Variants in SHOX2 observed in about 807,000 individuals in gnomAD.
The protein encoded by SHOX2 is short stature homeobox protein 2.
Under a neutral mutation model 31.3 loss-of-function variants are expected in SHOX2, and 13 were observed. That is an observed-to-expected ratio of 0.42 (90% CI 0.27 to 0.66). The LOEUF is 0.66. Ranked by LOEUF, SHOX2 falls within the 30% of genes least tolerant of loss-of-function variation. The pLI, the probability that SHOX2 is intolerant of heterozygous loss-of-function variation, is 0.27. For missense variants in SHOX2, 473 were observed against 443.0 expected, an observed-to-expected ratio of 1.07 and a Z score of -0.61; for synonymous variants, 244 against 196.2, an observed-to-expected ratio of 1.24 and a Z score of -2.04.
chr3:158,106,169 G>A lies in SHOX2; in HGVS notation c.-145C>T. 1 of 1,347,788 alleles carries A rather than the reference G, an allele frequency of 7.4e-7. No homozygotes were observed. The highest frequency in any genetic ancestry group is 1.0e-6 in the Non-Finnish European group (1 of 1,004,538). 83.5% of individuals were successfully genotyped at this position (1,347,788 alleles called of 1,614,324 possible). On this transcript the variant is annotated 5_prime_UTR_variant, in exon 1 of 5. Transcript: ENST00000483851. ...GGGGGAGGAGAGGGAGGAGGAGAAA[G>A]AAGAAGAAAAAGAGGAGAAGAAAGA... is the stretch of plus-strand genomic sequence containing the variant.
intron 2 of SHOX2, 50 bp from the exon 3 acceptor site, chr3:158,100,361 A>C: frequency 7.1e-7 from 1 of 1,405,076 alleles, no homozygotes; most frequent in Non-Finnish European, 9.7e-7. Context: ...TATGACTAAA[A>C]ATTTTTTTAA....
In SHOX2 at chr3:158,103,928, T is replaced by C. The variant is rs1353383679; in HGVS notation, c.347-1042A>G. 3 of 152,416 alleles carry C rather than the reference T, an allele frequency of 2.0e-5. No individual in the cohort carries two copies. The East Asian group carries it at 5.8e-4, about 29-fold the overall frequency. 9.4% of individuals were successfully genotyped at this position (152,416 alleles called of 1,614,324 possible). On this transcript the variant is annotated intron_variant, in intron 1 of 4. Transcript: ENST00000483851. ...ACATCCGTTGCCACTTTCCTGTCCT[T>C]CTCCTCCCTTTAAAAACAGGAGCTC...
Position 158,097,906 on chromosome 3 carries a change from G to T in SHOX2, c.*121C>A. 7.9e-7 allele frequency: 1 copy of T among 1,271,596 alleles called. No homozygotes were observed. Among genetic ancestry groups the T allele is most frequent in the Non-Finnish European group, 1.1e-6 (1 of 923,134 alleles). The allele number at this position is 1,271,596 out of a possible 1,614,324, so 78.8% of individuals were successfully genotyped here. A position where few individuals can be genotyped will look rare whatever the true frequency, so the allele number is the denominator to read the frequency against. On this transcript the variant is annotated 3_prime_UTR_variant, in exon 5 of 5. Transcript: ENST00000483851. Reference sequence around the variant, plus strand: ...TGCGATAGGGGACGAGGGATGGTCAGTGAGGCGGGAAGAGGGCCGGCTCCC... The same window carrying T: ...TGCGATAGGGGACGAGGGATGGTCATTGAGGCGGGAAGAGGGCCGGCTCCC...
intron 1 of SHOX2, among the ~76,000 whole-genome samples, 181 bp downstream of exon 1, chr3:158,105,498 A>G (rs931368438): frequency 3.8e-5 from 4 of 104,720 alleles, no homozygotes; most frequent in African/African-American, 1.5e-4. Flanking sequence ...GACCCCACCC[A>G]TGACCGAGCA....
At chr3:158,102,108 C>T (rs1713528267) in intron 2 of SHOX2, among the ~76,000 whole-genome samples, 1 of 152,192 alleles carries the variant, frequency 6.6e-6, no homozygotes, top group Non-Finnish European at 1.5e-5. Context: ...GCGTTTATTT[C>T]TCCGCTATTT....
At chr3:158,099,440 T>C (rs886653981) in intron 4 of SHOX2, among the ~76,000 whole-genome samples, 2 of 152,238 alleles carry the variant, frequency 1.3e-5, no homozygotes, top group Non-Finnish European at 2.9e-5. Flanking sequence ...TTGTGTTTAT[T>C]TTTCTTCTGT....
At chr3:158,101,728 G>A (rs972409616) in intron 2 of SHOX2, among the ~76,000 whole-genome samples, 1 of 152,164 alleles carries the variant, frequency 6.6e-6, no homozygotes, top group African/African-American at 2.4e-5. Flanking sequence ...AGCTGCAGAT[G>A]TGCGGGCCTA....
At chr3:158,101,321 G>A (rs1713474221) in intron 2 of SHOX2, among the ~76,000 whole-genome samples, 1 of 152,202 alleles carries the variant, frequency 6.6e-6, no homozygotes, top group Non-Finnish European at 1.5e-5. Flanking sequence ...GTACAACAGA[G>A]GGTGGATTTT....
At chr3:158,105,594 G>A in intron 1 of SHOX2, 85 bp downstream of exon 1, 3 of 1,252,988 alleles carry the variant, frequency 2.4e-6, no homozygotes, top group Non-Finnish European at 3.3e-6. Context: ...TCCCCTCCCC[G>A]CTGGGCCTCG....
rs145675724 is a variant in SHOX2 at position 158,098,244 on chromosome 3, G to A, written c.743C>T (p.Ala248Val). The change falls in exon 5 of 5, where the codon GCG becomes GTG. Residue 248 changes from alanine to valine, a missense_variant. Ala to Val is a moderately conservative substitution (Grantham distance 64). Coordinates refer to ENST00000483851, the MANE Select transcript of SHOX2 (RefSeq NM_001163678.2). Reference sequence around the variant, plus strand: ...CAGGTGCGGATGCAGGTGGTGGTGCGCGTGCGCCACAGCGCTGTCCAGCTG... The same window carrying A: ...CAGGTGCGGATGCAGGTGGTGGTGCACGTGCGCCACAGCGCTGTCCAGCTG... ...QLQLDSAVAH[A>V]HHHLHPHLAA... 1 of 1,613,798 alleles carries A rather than the reference G, an allele frequency of 6.2e-7. No homozygotes were observed. The highest frequency in any genetic ancestry group is 1.3e-5 in the African/African-American group (1 of 74,932).
At chr3:158,098,305 C>T (rs774238139) in intron 4 of SHOX2, 21 bp from the exon 5 acceptor site, 1 of 1,610,958 alleles carries the variant, frequency 6.2e-7, no homozygotes, top group African/African-American at 1.3e-5. Flanking sequence ...AAGGGCGTCA[C>T]GTTGCAATGA....
chr3:158,104,879 C>T (rs1045678879), intron 1 of SHOX2, among the ~76,000 whole-genome samples: 9 of 152,254 alleles, frequency 5.9e-5, no homozygotes, highest in African/African-American at 2.2e-4. Context: ...TGTTGAACTC[C>T]TTTGAATTGG....
rs1478222074 is a variant in SHOX2, at chr3:158,097,521, T to C, written c.*506A>G. ...TTTTAAATGTATAAAATACTTTAATTTTAAAATTTGTTTTTGCTCCTTGGT... is the reference window on the plus strand; with the variant it reads ...TTTTAAATGTATAAAATACTTTAATCTTAAAATTTGTTTTTGCTCCTTGGT... On this transcript the variant is annotated 3_prime_UTR_variant, in exon 5 of 5. Coordinates refer to ENST00000483851, the MANE Select transcript of SHOX2 (RefSeq NM_001163678.2). The C allele has an allele frequency of 6.5e-6, 1 of 152,810 alleles. No homozygotes were observed. Among genetic ancestry groups the C allele is most frequent in the Non-Finnish European group, 1.5e-5 (1 of 68,496 alleles). 9.5% of individuals were successfully genotyped at this position (152,810 alleles called of 1,614,324 possible).
intron 4 of SHOX2, 71 bp downstream of exon 4, chr3:158,099,789 T>C (rs903910668): frequency 1.8e-5 from 20 of 1,102,850 alleles, no homozygotes; most frequent in Non-Finnish European, 2.6e-5. Flanking sequence ...AGACAGGTGA[T>C]GTTCAACAGT....
rs1344824625 is a variant in SHOX2 at position 158,097,469 on chromosome 3, A to G, written c.*558T>C. On this transcript the variant is annotated 3_prime_UTR_variant, in exon 5 of 5. Coordinates refer to ENST00000483851, the MANE Select transcript of SHOX2 (RefSeq NM_001163678.2). ...GTTGGTAACTCCCCCCAGTCTCTCG[A>G]GAATCGTCTGGGTTGTTTTTCCATA... 1 of 152,188 alleles carries G rather than the reference A, an allele frequency of 6.6e-6. No homozygotes were observed. Among genetic ancestry groups the G allele is most frequent in the Non-Finnish European group, 1.5e-5 (1 of 68,072 alleles). The allele number at this position is 152,188 out of a possible 1,614,324, so 9.4% of individuals were successfully genotyped here. A position where few individuals can be genotyped will look rare whatever the true frequency, so the allele number is the denominator to read the frequency against.
At chr3:158,100,104 C>T (rs1052456934) in intron 3 of SHOX2, 150 bp downstream of exon 3, 3 of 899,200 alleles carry the variant, frequency 3.3e-6, no homozygotes, top group African/African-American at 3.4e-5. Flanking sequence ...TACTCCCAAA[C>T]TTTAGGACTC....
chr3:158,105,035 C>CCA, intron 1 of SHOX2: 1 of 368,292 alleles, frequency 2.7e-6, no homozygotes, highest in Admixed American at 3.3e-5. Context: ...CCCCGCCGCC[C>CCA]CCCCCCCCCG....
chr3:158,098,005 G>C lies in SHOX2; in HGVS notation c.*22C>G, dbSNP rs762927473. 6.4e-7 allele frequency: 1 copy of C among 1,568,880 alleles called. No individual in the cohort carries two copies. The highest frequency in any genetic ancestry group is 8.7e-7 in the Non-Finnish European group (1 of 1,155,858). ...AGGCTGAGTGCCGCGGGACAGGCGC[G>C]ACATTGGTGCTGGCGTTGGCGTCAC... On this transcript the variant is annotated 3_prime_UTR_variant, in exon 5 of 5. Transcript: ENST00000483851.
chr3:158,098,314 G>T, intron 4 of SHOX2, 30 bp from the exon 5 acceptor site: 3 of 1,609,680 alleles, frequency 1.9e-6, no homozygotes, highest in Non-Finnish European at 1.7e-6. Context: ...ACGTTGCAAT[G>T]ACTATCCTAG....
Sources: gnomAD v4.1 joint callset for allele counts (sites outside exome capture counted in the v4.1 genomes callset) on GRCh38, gnomAD v4.1.1 for gene constraint, MANE v1.5 for transcripts, NCBI Gene and HGNC (gene_info 2026-07-23, HGNC 2026-07-21) for gene names.